The following CD33 variants were observed in gnomAD, a reference collection of about 807,000 sequenced individuals.
CD33 encodes CD33 molecule.
Under a neutral mutation model 31.4 loss-of-function variants are expected in CD33, and 25 were observed. The observed-to-expected ratio is 0.80, with a 90% CI of 0.58 to 1.11. CD33 has a LOEUF of 1.11. CD33 is among the 50% of genes most tolerant of loss of function. The pLI, the probability that CD33 is intolerant of heterozygous loss-of-function variation, is 0.00. For synonymous variants in CD33, 176 were observed against 180.6 expected (o/e 0.97, Z 0.20); for missense variants, 407 against 448.1 (o/e 0.91, Z 0.83).
chr19:51,225,774 A>T, intron 2 of CD33, 29 bp from the exon 3 acceptor site: 1 of 1,601,646 alleles, frequency 6.2e-7, no homozygotes, highest in East Asian at 2.2e-5. Context: ...CTCCCTCCTG[A>T]TTCTGCATCC....
chr19:51,226,155 T>C, intron 3 of CD33, 74 bp downstream of exon 3: 1 of 1,561,640 alleles, frequency 6.4e-7, no homozygotes, highest in Non-Finnish European at 8.8e-7. Context: ...TGGGGACATT[T>C]AGTGTCCTGG....
At chr19:51,236,902 G>C (rs1981842745) in intron 6 of CD33, 1 of 152,268 alleles carries the variant, frequency 6.6e-6, no homozygotes, top group African/African-American at 2.4e-5. Flanking sequence ...TCCCTAAAAG[G>C]TCATTGTCCC....
chr19:51,217,750 A>C, the CD33 span, among the ~76,000 whole-genome samples: 1 of 152,214 alleles, frequency 6.6e-6, no homozygotes, highest in African/African-American at 2.4e-5. Flanking sequence ...CTCTATGCCC[A>C]TGTATACACA....
At chr19:51,212,524 C>T in the CD33 span, among the ~76,000 whole-genome samples, 1 of 151,956 alleles carries the variant, frequency 6.6e-6, no homozygotes, top group African/African-American at 2.4e-5. Context: ...CACCTGTCCC[C>T]ATCGCCCCCT....
the CD33 span, chr19:51,211,407 T>G: frequency 1.3e-6 from 2 of 1,571,904 alleles, no homozygotes; most frequent in Non-Finnish European, 1.7e-6. Context: ...ACAAGCTAGA[T>G]CAAGAAGTAC....
chr19:51,237,407 T>C (rs1981874248), intron 6 of CD33: 2 of 152,162 alleles, frequency 1.3e-5, no homozygotes, highest in South Asian at 4.1e-4. Flanking sequence ...GCAGTGCAAA[T>C]ATACATGAAA....
At chr19:51,231,581 T>C (rs1192530687) in intron 4 of CD33, among the ~76,000 whole-genome samples, 2 of 150,346 alleles carry the variant, frequency 1.3e-5, no homozygotes, top group South Asian at 2.1e-4. Flanking sequence ...CCTCTTATTG[T>C]TTCTTTTTGT....
At chr19:51,237,106 C>T (rs1981858028) in intron 6 of CD33, 1 of 152,328 alleles carries the variant, frequency 6.6e-6, no homozygotes, top group Non-Finnish European at 1.5e-5. Context: ...GTCCCCTCCT[C>T]CTCATATGCC....
At chr19:51,231,603 GTTT>G (rs774556770) in intron 4 of CD33, among the ~76,000 whole-genome samples, 7 of 123,240 alleles carry the variant, frequency 5.7e-5, no homozygotes, top group African/African-American at 2.8e-4. Flanking sequence ...GTTGGCTGAT[GTTT>G]TTTTTTTTTT....
In CD33 at chr19:51,235,685, T is replaced by C; in HGVS notation, c.924+9T>C. 1 of 1,607,742 alleles carries C rather than the reference T, an allele frequency of 6.2e-7. No homozygotes were observed. The highest frequency in any genetic ancestry group is 8.5e-7 in the Non-Finnish European group (1 of 1,176,540). The stretch of plus-strand genomic sequence containing the variant: ...CAGGGTCAGCCTCCCCGGTGAGTGA[T>C]GGGGCATCCTGGCATCCAGTCTGTC... On this transcript the variant is annotated intron_variant, in intron 6 of 6. Transcript: ENST00000262262.
chr19:51,237,700 C>T (rs1181352053), intron 6 of CD33: 2 of 152,216 alleles, frequency 1.3e-5, no homozygotes, highest in African/African-American at 2.4e-5. Context: ...GTTGAAGAGA[C>T]ATAGGAGCTG....
At chr19:51,228,094 T>C (rs1045119200) in intron 4 of CD33, among the ~76,000 whole-genome samples, 1 of 152,232 alleles carries the variant, frequency 6.6e-6, no homozygotes, top group South Asian at 2.1e-4. Flanking sequence ...TTTATGCCAA[T>C]ATCATGCTGT....
the CD33 span, chr19:51,211,370 T>C: frequency 1.3e-6 from 2 of 1,556,304 alleles, no homozygotes; most frequent in African/African-American, 2.7e-5. Context: ...GGAGCCATTG[T>C]ATCCAGGGAC....
chr19:51,211,289 C>T, the CD33 span: 7 of 1,572,340 alleles, frequency 4.5e-6, no homozygotes, highest in Non-Finnish European at 6.1e-6. Context: ...GTCCTCGTGC[C>T]CTGCACTTTC....
At chr19:51,238,006 T>C (rs892226152) in intron 6 of CD33, 4 of 152,216 alleles carry the variant, frequency 2.6e-5, no homozygotes, top group Admixed American at 2.6e-4. Context: ...ATGGAGTGCA[T>C]GCAAGGCATG....
chr19:51,237,181 C>G (rs935261362), intron 6 of CD33: 20 of 152,038 alleles, frequency 1.3e-4, no homozygotes, highest in African/African-American at 4.1e-4. Context: ...ATTTATTTAA[C>G]TCTGACTAAA....
chr19:51,211,259 C>T, the CD33 span: 20 of 1,571,080 alleles, frequency 1.3e-5, no homozygotes, highest in East Asian at 2.2e-5. Context: ...GAGTCAGTGA[C>T]GGTACAGGAG....
intron 4 of CD33, among the ~76,000 whole-genome samples, chr19:51,230,345 G>A (rs12976229): frequency 2.0e-4 from 30 of 152,212 alleles, no homozygotes; most frequent in Non-Finnish European, 2.6e-4. Flanking sequence ...TGCAGCTGTC[G>A]GTTGAAATGT....
intron 4 of CD33, among the ~76,000 whole-genome samples, chr19:51,234,435 T>A (rs1422709720): frequency 6.6e-6 from 1 of 152,206 alleles, no homozygotes; most frequent in Non-Finnish European, 1.5e-5. Flanking sequence ...AGGGCATTTT[T>A]TTCTACTGTC....
Sources: allele counts gnomAD v4.1 joint callset (sites outside exome capture counted in the v4.1 genomes callset), GRCh38; gene constraint gnomAD v4.1.1; transcripts MANE v1.5; gene names NCBI Gene and HGNC (gene_info 2026-07-23, HGNC 2026-07-21).